The following THSD7A variants were observed in gnomAD, a reference collection of about 807,000 sequenced individuals.
THSD7A encodes the protein thrombospondin type 1 domain containing 7A.
In THSD7A, 96 loss-of-function variants were observed where a neutral mutation model predicts 231.3. The observed-to-expected ratio is 0.41, with a 90% confidence interval of 0.35 to 0.49. The LOEUF is 0.49. THSD7A is among the 20% of genes least tolerant of loss of function. THSD7A has a pLI of 0.05. For missense variants in THSD7A, 2,290 were observed against 2,070.2 expected, an observed-to-expected ratio of 1.11 and a Z score of -2.06; for synonymous variants, 940 against 743.3, an observed-to-expected ratio of 1.26 and a Z score of -4.30.
chr7:11,728,195 G>T (rs1168101808), intron 1 of THSD7A, among the ~76,000 whole-genome samples: 1 of 151,900 alleles, frequency 6.6e-6, no homozygotes, highest in Non-Finnish European at 1.5e-5. Context: ...TAGAAAATAA[G>T]AACTACATTA....
intron 4 of THSD7A, among the ~76,000 whole-genome samples, chr7:11,583,507 C>T (rs896502827): frequency 6.6e-6 from 1 of 152,106 alleles, no homozygotes; most frequent in African/African-American, 2.4e-5. Context: ...AACTCCCAGA[C>T]TCAAGTTATC....
intron 9 of THSD7A, among the ~76,000 whole-genome samples, chr7:11,466,318 C>G (rs1399380372): frequency 6.6e-6 from 1 of 152,088 alleles, no homozygotes; most frequent in African/African-American, 2.4e-5. Flanking sequence ...GGTGTAATTT[C>G]AAAATGATAC....
chr7:11,613,934 T>C (rs1311835743), intron 2 of THSD7A, among the ~76,000 whole-genome samples: 1 of 152,196 alleles, frequency 6.6e-6, no homozygotes, highest in Non-Finnish European at 1.5e-5. Context: ...ATAGAGAACT[T>C]ATTTGCAAAT....
intron 4 of THSD7A, among the ~76,000 whole-genome samples, chr7:11,550,260 C>T (rs1415819311): frequency 1.3e-5 from 2 of 152,010 alleles, no homozygotes; most frequent in Non-Finnish European, 2.9e-5. Flanking sequence ...GAATAAAATA[C>T]CTAGGAACAC....
At chr7:11,803,176 C>T (rs971010468) in intron 1 of THSD7A, among the ~76,000 whole-genome samples, 1 of 152,004 alleles carries the variant, frequency 6.6e-6, no homozygotes, top group African/African-American at 2.4e-5. Flanking sequence ...TGTTCATGGG[C>T]CTTGGGGTTA....
intron 6 of THSD7A, among the ~76,000 whole-genome samples, chr7:11,523,406 C>A (rs575404491): frequency 6.6e-6 from 1 of 151,992 alleles, no homozygotes; most frequent in Non-Finnish European, 1.5e-5. Context: ...TTCACATCAC[C>A]ACTAAGAAAA....
intron 6 of THSD7A, among the ~76,000 whole-genome samples, chr7:11,487,778 T>TG (rs1361036840): frequency 6.6e-6 from 1 of 152,028 alleles, no homozygotes; most frequent in Non-Finnish European, 1.5e-5. Context: ...GAGAACATCA[T>TG]GGGGGAGACC....
chr7:11,478,769 C>T (rs1227965757), intron 7 of THSD7A, among the ~76,000 whole-genome samples: 5 of 151,944 alleles, frequency 3.3e-5, no homozygotes, highest in Non-Finnish European at 5.9e-5. Flanking sequence ...TTGGGGCCAT[C>T]GATAGATAGA....
At chr7:11,693,551 AG>A (rs1196589642) in intron 1 of THSD7A, among the ~76,000 whole-genome samples, 6 of 151,560 alleles carry the variant, frequency 4.0e-5, no homozygotes, top group Admixed American at 1.3e-4. Flanking sequence ...CAGTCAGAAT[AG>A]TAAAGTTAGG....
At chr7:11,812,105 TTGTGTGTGTGTGTGTGTG>T (rs34130500) in intron 1 of THSD7A, among the ~76,000 whole-genome samples, 1 of 133,562 alleles carries the variant, frequency 7.5e-6, no homozygotes, top group Non-Finnish European at 1.6e-5. Flanking sequence ...GAAAAGAAAA[TTGTGTGTGTGTGTGTGTG>T]TGTGTGTGTG....
chr7:11,589,198 C>T (rs932541358), intron 4 of THSD7A, among the ~76,000 whole-genome samples: 3 of 152,100 alleles, frequency 2.0e-5, no homozygotes, highest in African/African-American at 7.2e-5. Flanking sequence ...GGGCCTTTAT[C>T]CTTGTTCTTT....
At chr7:11,563,882 T>G (rs1162548242) in intron 4 of THSD7A, among the ~76,000 whole-genome samples, 2 of 152,192 alleles carry the variant, frequency 1.3e-5, no homozygotes, top group South Asian at 2.1e-4. Context: ...CACGTGTTCA[T>G]GCTTGCTGCT....
chr7:11,459,530 GGAGATACATAAT>G (rs1178205508), intron 11 of THSD7A, among the ~76,000 whole-genome samples: 2 of 151,844 alleles, frequency 1.3e-5, no homozygotes, highest in Non-Finnish European at 2.9e-5. Context: ...GTTGATGGTG[GGAGATACATAAT>G]GAGAATTATG....
At chr7:11,451,894 G>T (rs1785158704) in intron 11 of THSD7A, among the ~76,000 whole-genome samples, 1 of 152,010 alleles carries the variant, frequency 6.6e-6, no homozygotes, top group South Asian at 2.1e-4. Context: ...ATTGCTCAGT[G>T]AATTACCCTT....
chr7:11,715,567 A>C (rs1329638413), intron 1 of THSD7A, among the ~76,000 whole-genome samples: 1 of 151,484 alleles, frequency 6.6e-6, no homozygotes, highest in African/African-American at 2.4e-5. Flanking sequence ...CTGTCTCTCA[A>C]AGCAATAGAA....
intron 7 of THSD7A, among the ~76,000 whole-genome samples, chr7:11,481,066 G>A (rs891968640): frequency 6.6e-6 from 1 of 152,062 alleles, no homozygotes; most frequent in Non-Finnish European, 1.5e-5. Flanking sequence ...ACAAGATTAA[G>A]TATGACATTA....
At chr7:11,655,850 C>T (rs1277021777) in intron 1 of THSD7A, among the ~76,000 whole-genome samples, 1 of 151,864 alleles carries the variant, frequency 6.6e-6, no homozygotes, top group African/African-American at 2.4e-5. Context: ...AATTTACTTG[C>T]CATGGTCATT....
chr7:11,730,808 T>C (rs1781702384), intron 1 of THSD7A, among the ~76,000 whole-genome samples: 1 of 151,602 alleles, frequency 6.6e-6, no homozygotes. Context: ...TCTCCTGAGA[T>C]TCACTTAATC....
chr7:11,768,381 C>A (rs1439997398), intron 1 of THSD7A, among the ~76,000 whole-genome samples: 1 of 152,042 alleles, frequency 6.6e-6, no homozygotes, highest in Non-Finnish European at 1.5e-5. Flanking sequence ...GGCTTGACAC[C>A]ATAGGATATA....
Sources: gnomAD v4.1 joint callset for allele counts (sites outside exome capture counted in the v4.1 genomes callset) on GRCh38, gnomAD v4.1.1 for gene constraint, MANE v1.5 for transcripts, NCBI Gene and HGNC (gene_info 2026-07-23, HGNC 2026-07-21) for gene names.